Variants in NR5A2 observed in about 807,000 individuals in gnomAD.
NR5A2 encodes nuclear receptor subfamily 5 group A member 2.
Under a neutral mutation model 62.7 loss-of-function variants are expected in NR5A2, and 26 were observed. That is an observed-to-expected ratio of 0.41 (90% CI 0.30 to 0.58). The LOEUF (loss-of-function observed/expected upper bound fraction) is 0.58, where lower values mean the gene tolerates loss of function less well. Ranked by LOEUF, NR5A2 falls within the 20% of genes least tolerant of loss-of-function variation. The pLI is 0.22. For missense variants in NR5A2, 541 were observed against 669.1 expected, an observed-to-expected ratio of 0.81 and a Z score of 2.11; for synonymous variants, 246 against 241.7, an observed-to-expected ratio of 1.02 and a Z score of -0.16.
At chr1:200,144,298 T>G (rs1667590297) in intron 7 of NR5A2, among the ~76,000 whole-genome samples, 1 of 151,010 alleles carries the variant, frequency 6.6e-6, no homozygotes, top group Non-Finnish European at 1.5e-5. Context: ...CAGGATCTCC[T>G]AAAGCCTTGT....
At chr1:200,125,835 C>CTTTAT (rs1213155798) in intron 7 of NR5A2, among the ~76,000 whole-genome samples, 1 of 152,028 alleles carries the variant, frequency 6.6e-6, no homozygotes, top group Non-Finnish European at 1.5e-5. Flanking sequence ...CTTGAAAGAA[C>CTTTAT]TTTATTTTAT....
At chr1:200,130,292 AAGAAGAAGAAGAAGAAGAAGAAGAAGAAG>A (rs978244156) in intron 7 of NR5A2, among the ~76,000 whole-genome samples, 16 of 4,798 alleles carry the variant, frequency 3.3e-3, no homozygotes, top group African/African-American at 6.7e-3. Flanking sequence ...GAAGAAGAAG[AAGAAGAAGAAGAAGAAGAAGAAGAAGAAG>A]AAAAAAAAAA....
rs200479514 is a variant in NR5A2, at chr1:200,104,565, AT to A, written c.1111-6628del. Among the ~76,000 whole-genome samples the A allele has an allele frequency of 2.6e-5, 4 of 151,672 alleles. No homozygotes were observed. In the East Asian group the frequency reaches 5.8e-4, roughly 22 times the overall value. On this transcript the variant is annotated intron_variant, in intron 5 of 7. Coordinates refer to ENST00000367362, the MANE Select transcript of NR5A2 (RefSeq NM_205860.3). ...AAGAGATGGAAATTCATCTTTAGGG[AT>A]TTTTTTTTCTTTTTGCCAGAAAGAA... is the stretch of plus-strand genomic sequence containing the variant.
In NR5A2 at chr1:200,176,493, A is replaced by C. The variant is rs1295120319; in HGVS notation, c.*2283A>C. 6.6e-6 allele frequency: 1 copy of C among 152,400 alleles called. No homozygotes were observed. Among genetic ancestry groups the C allele is most frequent in the Non-Finnish European group, 1.5e-5 (1 of 68,048 alleles). 9.4% of individuals were successfully genotyped at this position (152,400 alleles called of 1,614,324 possible). A position where few individuals can be genotyped will look rare whatever the true frequency, so the allele number is the denominator to read the frequency against. ...GCAGCATCATTGCCCTCCCCAGCTG[A>C]AAAACAAGTTGGCTAGAAGATACAT... On this transcript the variant is annotated 3_prime_UTR_variant, in exon 8 of 8. Transcript: ENST00000367362.
chr1:200,050,968 T>C (rs1298174947), intron 5 of NR5A2, among the ~76,000 whole-genome samples: 2 of 152,244 alleles, frequency 1.3e-5, no homozygotes, highest in Non-Finnish European at 2.9e-5. Flanking sequence ...ATAATTTTTA[T>C]ATTTAGGATC....
intron 3 of NR5A2, among the ~76,000 whole-genome samples, chr1:200,044,771 T>C (rs996699492): frequency 2.5e-4 from 38 of 152,250 alleles, no homozygotes; most frequent in African/African-American, 9.1e-4. Context: ...CATTTTATTT[T>C]TGATTAATTC....
intron 7 of NR5A2, among the ~76,000 whole-genome samples, chr1:200,143,123 T>C (rs1054483911): frequency 1.3e-5 from 2 of 152,218 alleles, no homozygotes; most frequent in African/African-American, 4.8e-5. Context: ...TGCTCTTGTT[T>C]CCGTCTCTTT....
At chr1:200,073,566 CAAAA>C (rs898961456) in intron 5 of NR5A2, among the ~76,000 whole-genome samples, 3 of 151,548 alleles carry the variant, frequency 2.0e-5, no homozygotes, top group Non-Finnish European at 2.9e-5. Context: ...GGAATAATGA[CAAAA>C]AAGTCTGTAC....
At chr1:200,171,304 A>G (rs3828105) in intron 7 of NR5A2, among the ~76,000 whole-genome samples, 45,599 of 151,898 alleles carry the variant, frequency 0.3, 7,579 homozygotes, top group African/African-American at 0.45. Flanking sequence ...TAACTCAGGC[A>G]TGTGGATTCA....
At chr1:200,158,194 T>C (rs944133103) in intron 7 of NR5A2, among the ~76,000 whole-genome samples, 2 of 152,226 alleles carry the variant, frequency 1.3e-5, no homozygotes, top group East Asian at 3.8e-4. Context: ...TAAAGTAACA[T>C]GTTAACACAG....
At chr1:200,069,565 A>G (rs1177133427) in intron 5 of NR5A2, among the ~76,000 whole-genome samples, 2 of 152,182 alleles carry the variant, frequency 1.3e-5, no homozygotes, top group African/African-American at 4.8e-5. Flanking sequence ...AACAATTCAT[A>G]TTCTACAATA....
chr1:200,123,742 CTTAT>C (rs758230436), intron 7 of NR5A2, among the ~76,000 whole-genome samples: 2 of 84,992 alleles, frequency 2.4e-5, no homozygotes, highest in African/African-American at 4.5e-5. Flanking sequence ...TTTTATTTTA[CTTAT>C]TTAATTTTTT....
At chr1:200,067,439 C>T (rs1407723203) in intron 5 of NR5A2, among the ~76,000 whole-genome samples, 1 of 152,150 alleles carries the variant, frequency 6.6e-6, no homozygotes, top group Non-Finnish European at 1.5e-5. Flanking sequence ...GCCTGTAATC[C>T]CAGCTACTCA....
intron 6 of NR5A2, among the ~76,000 whole-genome samples, chr1:200,114,592 T>C (rs1254105597): frequency 6.6e-6 from 1 of 152,210 alleles, no homozygotes; most frequent in African/African-American, 2.4e-5. Context: ...GTGGCAACTA[T>C]GATGTTATCT....
At chr1:200,149,441 C>A (rs1278664101) in intron 7 of NR5A2, among the ~76,000 whole-genome samples, 1 of 152,168 alleles carries the variant, frequency 6.6e-6, no homozygotes, top group Non-Finnish European at 1.5e-5. Flanking sequence ...TGACTGCTGC[C>A]GAGGCTAACA....
At chr1:200,170,009 C>A (rs1654098162) in intron 7 of NR5A2, among the ~76,000 whole-genome samples, 1 of 152,162 alleles carries the variant, frequency 6.6e-6, no homozygotes, top group Non-Finnish European at 1.5e-5. Flanking sequence ...AGATGTGGGA[C>A]AATGCTATTT....
chr1:200,083,646 C>A (rs1014158580), intron 5 of NR5A2, among the ~76,000 whole-genome samples: 1 of 152,068 alleles, frequency 6.6e-6, no homozygotes, highest in African/African-American at 2.4e-5. Flanking sequence ...CAGTATTGTA[C>A]AGTATTGTAC....
At chr1:200,104,985 G>A (rs183081811) in intron 5 of NR5A2, among the ~76,000 whole-genome samples, 171 of 152,094 alleles carry the variant, frequency 1.1e-3, no homozygotes, top group African/African-American at 4.0e-3. Flanking sequence ...TTTGAGACAG[G>A]GTTTTGCTCT....
chr1:200,031,871 C>T (rs1242457955), intron 1 of NR5A2, among the ~76,000 whole-genome samples: 1 of 152,182 alleles, frequency 6.6e-6, no homozygotes, highest in Non-Finnish European at 1.5e-5. Flanking sequence ...TGAGCCACCA[C>T]ACCTGGCATC....
Sources: gnomAD v4.1 joint callset for allele counts (sites outside exome capture counted in the v4.1 genomes callset) on GRCh38, gnomAD v4.1.1 for gene constraint, MANE v1.5 for transcripts, NCBI Gene and HGNC (gene_info 2026-07-23, HGNC 2026-07-21) for gene names.